The following UACA variants were observed in gnomAD, a reference collection of about 807,000 sequenced individuals.
The protein encoded by UACA is nuclear membrane binding protein.
UACA carries 112 observed loss-of-function variants against 160.5 expected under a neutral mutation model. The ratio of observed to expected loss-of-function variants is 0.70; its 90% CI spans 0.60 to 0.82. UACA has a LOEUF of 0.82. UACA is among the 40% of genes least tolerant of loss of function. UACA has a pLI of 0.00. For missense variants in UACA, 1,574 were observed against 1,614.6 expected (o/e 0.97, Z 0.43); for synonymous variants, 557 against 568.4 (o/e 0.98, Z 0.29).
chr15:70,698,820 G>C (rs1461880582), intron 2 of UACA, among the ~76,000 whole-genome samples: 1 of 152,074 alleles, frequency 6.6e-6, no homozygotes, highest in African/African-American at 2.4e-5. Flanking sequence ...ACAGGGACTA[G>C]ATCTACCCTT....
intron 7 of UACA, among the ~76,000 whole-genome samples, chr15:70,684,869 A>G (rs943319288): frequency 6.6e-6 from 1 of 152,132 alleles, no homozygotes; most frequent in Non-Finnish European, 1.5e-5. Flanking sequence ...ATATCCTTAT[A>G]TCCTTTAATT....
chr15:70,685,578 T>C (rs530128566), intron 7 of UACA, among the ~76,000 whole-genome samples: 2 of 152,204 alleles, frequency 1.3e-5, no homozygotes, highest in African/African-American at 4.8e-5. Flanking sequence ...GAATATAGAG[T>C]ATTAGAAACT....
Position 70,667,262 on chromosome 15 carries a change from C to CAT in UACA, c.3421_3422insAT (p.Cys1141TyrfsTer10). 5.6e-6 allele frequency: 9 copies of CAT among 1,613,592 alleles called. No homozygotes were observed. Among genetic ancestry groups the CAT allele is most frequent in the Non-Finnish European group, 7.6e-6 (9 of 1,179,886 alleles). ...CACTGTCTGCTGCTCTTTCTCGTAA[C>CAT]ACCTTTGCATACTCTTCAGTTCTTC... On this transcript the variant is annotated frameshift_variant, in exon 16 of 19. Transcript: ENST00000322954. LOFTEE classifies it high-confidence loss of function.
chr15:70,669,529 C>A (rs1436930982), intron 15 of UACA, 67 bp from the exon 16 acceptor site: 2 of 1,282,886 alleles, frequency 1.6e-6, no homozygotes, highest in East Asian at 2.5e-5. Context: ...TACTTATTTG[C>A]CAAACTTAGA....
At chr15:70,663,680 T>C (rs1045364344) in intron 17 of UACA, among the ~76,000 whole-genome samples, 2 of 152,134 alleles carry the variant, frequency 1.3e-5, no homozygotes, top group Non-Finnish European at 2.9e-5. Context: ...CATGGAATAC[T>C]ATGCAGTGAT....
chr15:70,687,563 A>C lies in UACA; in HGVS notation c.579T>G (p.Val193=). Residue 193 remains valine (V), a synonymous_variant, in exon 7 of 19, where the codon GTT becomes GTG. Coordinates refer to ENST00000322954, the MANE Select transcript of UACA (RefSeq NM_018003.4). The part of the protein sequence containing the change: ...CQLLIDRGAD[V]NSRDKQNRTA... Reference sequence around the variant, plus strand: ...ACCTGTTTTGTTTGTCTCTGGAATTAACATCCGCTCCTCTATCTATCAGCA... The same window carrying C: ...ACCTGTTTTGTTTGTCTCTGGAATTCACATCCGCTCCTCTATCTATCAGCA... The C allele has an allele frequency of 6.2e-7, 1 of 1,613,874 alleles. No individual in the cohort carries two copies. The highest frequency in any genetic ancestry group is 1.1e-5 in the South Asian group (1 of 91,066).
At chr15:70,772,168 C>A in the UACA span, among the ~76,000 whole-genome samples, 1 of 152,054 alleles carries the variant, frequency 6.6e-6, no homozygotes, top group Admixed American at 6.6e-5. Context: ...AGACTGGATG[C>A]AGGGAGTAAG....
intron 1 of UACA, among the ~76,000 whole-genome samples, chr15:70,709,663 T>A (rs972146054): frequency 8.5e-5 from 13 of 152,180 alleles, no homozygotes; most frequent in African/African-American, 2.7e-4. Context: ...CAAGATTTAT[T>A]TAAGCCTATG....
At chr15:70,741,335 C>CA (rs1275236139) in intron 1 of UACA, among the ~76,000 whole-genome samples, 4 of 152,316 alleles carry the variant, frequency 2.6e-5, no homozygotes, top group South Asian at 4.1e-4. Flanking sequence ...CAAAGAACCA[C>CA]AAGGCCTATC....
Position 70,668,445 on chromosome 15 carries a change from A to AAGGAACATAATGATTTTTCATTTCAATTG in UACA, c.2210_2238dup (p.Leu747GlnfsTer4). ...TTTTTCATGTCTTCACTTACTTTTA[A>AAGGAACATAATGATTTTTCATTTCAATTG]AGGAACATAATGATTTTTCATTTCA... On this transcript the variant is annotated stop_gained and frameshift_variant, in exon 16 of 19. Transcript: ENST00000322954. LOFTEE classifies it high-confidence loss of function. The AAGGAACATAATGATTTTTCATTTCAATTG allele has an allele frequency of 6.2e-7, 1 of 1,612,158 alleles. No homozygotes were observed. Among genetic ancestry groups the AAGGAACATAATGATTTTTCATTTCAATTG allele is most frequent in the Non-Finnish European group, 8.5e-7 (1 of 1,179,810 alleles).
At chr15:70,761,626 T>C (rs936009430) in intron 1 of UACA, among the ~76,000 whole-genome samples, 5 of 152,222 alleles carry the variant, frequency 3.3e-5, no homozygotes, top group Non-Finnish European at 5.9e-5. Context: ...TATTTTTAAA[T>C]TGTACAGAAC....
chr15:70,657,248 T>A (rs955471816), intron 18 of UACA, 121 bp from the exon 19 acceptor site: 1 of 756,270 alleles, frequency 1.3e-6, no homozygotes, highest in Admixed American at 2.3e-5. Flanking sequence ...TAAATCCTCA[T>A]CATTGTGATT....
chr15:70,702,011 T>C, intron 1 of UACA: 1 of 1,563,632 alleles, frequency 6.4e-7, no homozygotes, highest in Non-Finnish European at 8.6e-7. Context: ...GACAAACTCC[T>C]GACAAGTGAC....
chr15:70,762,054 A>G (rs540388981), intron 1 of UACA, among the ~76,000 whole-genome samples: 1 of 152,280 alleles, frequency 6.6e-6, no homozygotes, highest in African/African-American at 2.4e-5. Context: ...CTTTTTTTAA[A>G]AAAAAAAGTG....
chr15:70,766,658 A>G (rs993455582), upstream of UACA, among the ~76,000 whole-genome samples: 9 of 152,228 alleles, frequency 5.9e-5, no homozygotes, highest in Non-Finnish European at 1.3e-4. Flanking sequence ...ATGCTAACAC[A>G]TACAGTTTAA....
intron 2 of UACA, among the ~76,000 whole-genome samples, chr15:70,698,500 A>G (rs1898212707): frequency 6.6e-6 from 1 of 152,220 alleles, no homozygotes; most frequent in Non-Finnish European, 1.5e-5. Flanking sequence ...TACTTGATAA[A>G]AGTGAAACAT....
chr15:70,712,064 A>ATATATATCTATCTATC (rs909386790), intron 1 of UACA, among the ~76,000 whole-genome samples: 3 of 145,464 alleles, frequency 2.1e-5, no homozygotes, highest in African/African-American at 8.4e-5. Flanking sequence ...ATATATATAT[A>ATATATATCTATCTATC]TATCTCCATA....
intron 5 of UACA, among the ~76,000 whole-genome samples, 188 bp from the exon 6 acceptor site, chr15:70,688,008 G>A (rs533104923): frequency 1.3e-5 from 2 of 152,254 alleles, no homozygotes; most frequent in Admixed American, 1.3e-4. Flanking sequence ...ATTATAAATT[G>A]TCTACAATTT....
chr15:70,700,318 T>TATATATATATATATATATATATACAC (rs565377949), intron 1 of UACA, among the ~76,000 whole-genome samples: 5 of 139,758 alleles, frequency 3.6e-5, no homozygotes, highest in African/African-American at 1.5e-4. Context: ...TATATATATA[T>TATATATATATATATATATATATACAC]ACACACACAC....
Sources: allele counts gnomAD v4.1 joint callset (sites outside exome capture counted in the v4.1 genomes callset), GRCh38; gene constraint gnomAD v4.1.1; transcripts MANE v1.5; gene names NCBI Gene and HGNC (gene_info 2026-07-23, HGNC 2026-07-21).